The following OR2L2 variants were observed in gnomAD, a reference collection of about 807,000 sequenced individuals.
OR2L2 encodes the protein olfactory receptor 2L2.
For synonymous variants in OR2L2, 156 were observed against 135.4 expected (o/e 1.15, Z -1.06); for missense variants, 378 against 375.2 (o/e 1.01, Z -0.06).
At chr1:248,036,366 A>G (rs960427465) in intron 2 of OR2L2, among the ~76,000 whole-genome samples, 1 of 152,190 alleles carries the variant, frequency 6.6e-6, no homozygotes, top group African/African-American at 2.4e-5. Context: ...ACATCCTTGC[A>G]TATAGCTAAT....
Position 248,038,944 on chromosome 1 carries a change from G to T in OR2L2, c.677G>T (p.Arg226Leu), listed in dbSNP as rs753145578. The change falls in exon 3 of 3, where the codon CGC (arginine) becomes CTC (leucine). Residue 226 changes from arginine (R) to leucine (L), a missense_variant. Arg to Leu is a moderately radical substitution (Grantham distance 102, BLOSUM62 -2). Coordinates refer to ENST00000641771, the MANE Select transcript of OR2L2 (RefSeq NM_001385855.1). ...SYGRVLLAVY[R>L]MHSAEGRKKA... ...GGCCGGGTTCTCCTTGCTGTCTACC[G>T]CATGCACTCTGCAGAAGGGAGGAAG... 3 of 1,613,938 alleles carry T rather than the reference G, an allele frequency of 1.9e-6. No homozygotes were observed. The highest frequency in any genetic ancestry group is 8.5e-7 in the Non-Finnish European group (1 of 1,180,012).
At chr1:248,038,224 T>C in intron 2 of OR2L2, 23 bp from the exon 3 acceptor site, 2 of 1,347,280 alleles carry the variant, frequency 1.5e-6, no homozygotes, top group South Asian at 2.7e-5. Context: ...CTGTTCTTAA[T>C]TTACCCTTTT....
In OR2L2 at chr1:248,041,219, T is replaced by C. The variant is rs932399793; in HGVS notation, c.*2013T>C. ...AAATAACGCCGCATATCTACAACTA[T>C]CTGATCTTTGACAAACCTGAGAAAA... On this transcript the variant is annotated 3_prime_UTR_variant, in exon 3 of 3. Coordinates refer to ENST00000641771, the MANE Select transcript of OR2L2 (RefSeq NM_001385855.1). The C allele has an allele frequency of 2.0e-5, 3 of 152,176 alleles. No homozygotes were observed. Among genetic ancestry groups the C allele is most frequent in the Non-Finnish European group, 4.4e-5 (3 of 68,020 alleles). The allele number at this position is 152,176 out of a possible 1,614,324, so 9.4% of individuals were successfully genotyped here. A position where few individuals can be genotyped will look rare whatever the true frequency, so the allele number is the denominator to read the frequency against.
Position 248,038,851 on chromosome 1 carries a change from A to C in OR2L2, c.584A>C (p.Glu195Ala). 6.2e-7 allele frequency: 1 copy of C among 1,614,176 alleles called. No homozygotes were observed. The highest frequency in any genetic ancestry group is 8.5e-7 in the Non-Finnish European group (1 of 1,180,014). ...TLACTDTWVY[E>A]STVFLSSTIF... ...GCCTGCACAGACACTTGGGTCTATGAGAGCACAGTGTTTTTGAGCAGCACC... is the reference window on the plus strand; with the variant it reads ...GCCTGCACAGACACTTGGGTCTATGCGAGCACAGTGTTTTTGAGCAGCACC... The change falls in exon 3 of 3, where the codon GAG becomes GCG. Residue 195 changes from glutamate (E) to alanine (A), a missense_variant. Physicochemically the swap from Glu to Ala is moderately radical, Grantham distance 107 (BLOSUM62 -1). Transcript: ENST00000641771.
At chr1:248,032,994 T>C (rs74153020) in intron 1 of OR2L2, among the ~76,000 whole-genome samples, 4,802 of 152,288 alleles carry the variant, frequency 0.032, 227 homozygotes, top group African/African-American at 0.11. Context: ...TAAAACCCTA[T>C]TGTAAATCAA....
rs1420540800 is a variant in OR2L2, at chr1:248,039,813, C to A, written c.*607C>A. The A allele has an allele frequency of 6.6e-6, 1 of 152,116 alleles. No individual in the cohort carries two copies. The highest frequency in any genetic ancestry group is 1.5e-5 in the Non-Finnish European group (1 of 68,032). The allele number at this position is 152,116 out of a possible 1,614,324, so 9.4% of individuals were successfully genotyped here. ...TTGAATATTAAATAGTTTTTATTTA[C>A]TCTCAACTGGTATGTATGTCTTCTT... On this transcript the variant is annotated 3_prime_UTR_variant, in exon 3 of 3. Transcript: ENST00000641771.
intron 1 of OR2L2, among the ~76,000 whole-genome samples, chr1:248,031,248 TAAC>T (rs993775966): frequency 2.0e-5 from 3 of 152,196 alleles, no homozygotes; most frequent in Non-Finnish European, 2.9e-5. Context: ...CTATTTTTTC[TAAC>T]AATAATATTA....
In OR2L2 at chr1:248,039,208, C is replaced by T. The variant is rs748494308; in HGVS notation, c.*2C>T. On this transcript the variant is annotated 3_prime_UTR_variant, in exon 3 of 3. Coordinates refer to ENST00000641771, the MANE Select transcript of OR2L2 (RefSeq NM_001385855.1). ...AAAATCTTCTCAGTGAAAATGTAGACATACGTTCTGTGTTAGAGTCAAAGC... is the reference window on the plus strand; with the variant it reads ...AAAATCTTCTCAGTGAAAATGTAGATATACGTTCTGTGTTAGAGTCAAAGC... 1.0e-5 allele frequency: 16 copies of T among 1,601,362 alleles called. No individual in the cohort carries two copies. Among genetic ancestry groups the T allele is most frequent in the Non-Finnish European group, 1.4e-5 (16 of 1,173,622 alleles).
Position 248,040,224 on chromosome 1 carries a change from A to T in OR2L2, c.*1018A>T, listed in dbSNP as rs1401644773. 1 of 152,250 alleles carries T rather than the reference A, an allele frequency of 6.6e-6. No individual in the cohort carries two copies. The highest frequency in any genetic ancestry group is 2.4e-5 in the African/African-American group (1 of 41,464). 9.4% of individuals were successfully genotyped at this position (152,250 alleles called of 1,614,324 possible). A position where few individuals can be genotyped will look rare whatever the true frequency, so the allele number is the denominator to read the frequency against. ...CTTAGGCATGTGCTTAAAAGGATCA[A>T]CATTATTTCATAAAGGTTATCTGCT... On this transcript the variant is annotated 3_prime_UTR_variant, in exon 3 of 3. Coordinates refer to ENST00000641771, the MANE Select transcript of OR2L2 (RefSeq NM_001385855.1).
Position 248,039,234 on chromosome 1 carries a change from G to C in OR2L2, c.*28G>C. 1.3e-6 allele frequency: 2 copies of C among 1,574,930 alleles called. No homozygotes were observed. The highest frequency in any genetic ancestry group is 8.6e-7 in the Non-Finnish European group (1 of 1,159,864). ...ATACGTTCTGTGTTAGAGTCAAAGC[G>C]CTAGGTTCATATCAACTTAGTAGTG... On this transcript the variant is annotated 3_prime_UTR_variant, in exon 3 of 3. Transcript: ENST00000641771.
rs1662950320 is a variant in OR2L2, at chr1:248,041,533, T to G, written c.*2327T>G. On this transcript the variant is annotated 3_prime_UTR_variant, in exon 3 of 3. Coordinates refer to ENST00000641771, the MANE Select transcript of OR2L2 (RefSeq NM_001385855.1). ...TGAGATCTAATTAAACTAAAGAGCT[T>G]CTGCACAGCAAAAGAAACTACCATC... The G allele has an allele frequency of 6.6e-6, 1 of 152,098 alleles. No individual in the cohort carries two copies. The highest frequency in any genetic ancestry group is 1.5e-5 in the Non-Finnish European group (1 of 68,014). 9.4% of individuals were successfully genotyped at this position (152,098 alleles called of 1,614,324 possible).
At chr1:248,034,997 T>C (rs1309440190) in intron 1 of OR2L2, among the ~76,000 whole-genome samples, 1 of 152,036 alleles carries the variant, frequency 6.6e-6, no homozygotes, top group Non-Finnish European at 1.5e-5. Flanking sequence ...CATAAACAAA[T>C]AAAAATTATT....
At chr1:248,033,220 C>T (rs926930546) in intron 1 of OR2L2, among the ~76,000 whole-genome samples, 1 of 152,148 alleles carries the variant, frequency 6.6e-6, no homozygotes, top group East Asian at 1.9e-4. Context: ...AGCTCTTACA[C>T]TTAGGTCTTT....
intron 1 of OR2L2, among the ~76,000 whole-genome samples, chr1:248,033,610 T>G (rs1274127939): frequency 1.8e-3 from 2 of 1,136 alleles, no homozygotes; most frequent in Non-Finnish European, 0.5. Flanking sequence ...CTAATTTTTG[T>G]TTTTTTTTTT....
chr1:248,035,166 C>G (rs1049530953), intron 1 of OR2L2, among the ~76,000 whole-genome samples: 1 of 151,410 alleles, frequency 6.6e-6, no homozygotes. Flanking sequence ...AAGTGTCACT[C>G]TTGGCCAGGC....
At chr1:248,035,277 C>T (rs984098788) in intron 1 of OR2L2, among the ~76,000 whole-genome samples, 5 of 151,796 alleles carry the variant, frequency 3.3e-5, no homozygotes, top group Non-Finnish European at 5.9e-5. Flanking sequence ...GGTGAAACCC[C>T]GTCTCTACTA....
chr1:248,035,380 C>T (rs1404579677), intron 1 of OR2L2, among the ~76,000 whole-genome samples, 170 bp from the exon 2 acceptor site: 2 of 151,674 alleles, frequency 1.3e-5, no homozygotes, highest in South Asian at 2.1e-4. Context: ...ACCTGGGAGG[C>T]GGAGCTTGCA....
intron 1 of OR2L2, among the ~76,000 whole-genome samples, chr1:248,032,573 A>T (rs73141387): frequency 0.037 from 5,590 of 151,860 alleles, 349 homozygotes; most frequent in African/African-American, 0.13. Context: ...AAATTTGACT[A>T]CTCTGGGTAC....
Position 248,041,226 on chromosome 1 carries a change from T to G in OR2L2, c.*2020T>G, listed in dbSNP as rs1397993081. On this transcript the variant is annotated 3_prime_UTR_variant, in exon 3 of 3. Coordinates refer to ENST00000641771, the MANE Select transcript of OR2L2 (RefSeq NM_001385855.1). ...GCCGCATATCTACAACTATCTGATC[T>G]TTGACAAACCTGAGAAAAACAAGCA... The G allele has an allele frequency of 6.6e-6, 1 of 152,156 alleles. No homozygotes were observed. The highest frequency in any genetic ancestry group is 2.4e-5 in the African/African-American group (1 of 41,440). 9.4% of individuals were successfully genotyped at this position (152,156 alleles called of 1,614,324 possible).
Sources: gnomAD v4.1 joint callset for allele counts (sites outside exome capture counted in the v4.1 genomes callset) on GRCh38, gnomAD v4.1.1 for gene constraint, MANE v1.5 for transcripts, NCBI Gene and HGNC (gene_info 2026-07-23, HGNC 2026-07-21) for gene names.